SIPA1L1: variants seen among roughly 807,000 people sequenced by gnomAD.
SIPA1L1 encodes the protein signal-induced proliferation-associated 1-like protein 1.
SIPA1L1 carries 26 observed loss-of-function variants against 162.7 expected under a neutral mutation model. The ratio of observed to expected loss-of-function variants is 0.16; its 90% CI spans 0.12 to 0.22. The LOEUF is 0.22. SIPA1L1 is among the 10% of genes least tolerant of loss of function. The pLI is 1.00. For synonymous variants in SIPA1L1, 829 were observed against 837.4 expected, an observed-to-expected ratio of 0.99 and a Z score of 0.17; for missense variants, 1,874 against 2,241.0, an observed-to-expected ratio of 0.84 and a Z score of 3.31.
At chr14:71,634,058 A>C (rs535890206) in intron 7 of SIPA1L1, among the ~76,000 whole-genome samples, 10 of 139,252 alleles carry the variant, frequency 7.2e-5, no homozygotes, top group African/African-American at 2.3e-4. Context: ...ACTAAATACA[A>C]AAAAAAAAAA....
At chr14:71,574,942 TA>T (rs1016120597) in intron 4 of SIPA1L1, 3 of 152,054 alleles carry the variant, frequency 2.0e-5, no homozygotes, top group African/African-American at 4.8e-5. Flanking sequence ...GCATAGTTTT[TA>T]AAAAAAACTG....
chr14:71,692,245 A>G (rs1406434282), intron 13 of SIPA1L1, among the ~76,000 whole-genome samples: 1 of 152,252 alleles, frequency 6.6e-6, no homozygotes, highest in African/African-American at 2.4e-5. Context: ...TGATAAAGCT[A>G]TAGCATTAAA....
At chr14:71,459,660 G>A (rs1353510694) in intron 2 of SIPA1L1, among the ~76,000 whole-genome samples, 2 of 152,088 alleles carry the variant, frequency 1.3e-5, no homozygotes, top group Non-Finnish European at 2.9e-5. Flanking sequence ...GGCCAGTCTC[G>A]CCTTTTCGTG....
At chr14:71,582,663 C>G (rs1233132012) in intron 4 of SIPA1L1, among the ~76,000 whole-genome samples, 1 of 152,146 alleles carries the variant, frequency 6.6e-6, no homozygotes, top group African/African-American at 2.4e-5. Context: ...CTTTTCTATT[C>G]ACTTTGTTAA....
At chr14:71,460,484 TTGATAGTC>T (rs1394498619) in intron 2 of SIPA1L1, among the ~76,000 whole-genome samples, 6 of 152,146 alleles carry the variant, frequency 3.9e-5, no homozygotes, top group Non-Finnish European at 2.9e-5. Flanking sequence ...TGATTTCATC[TTGATAGTC>T]TGAGTCAATC....
chr14:71,684,410 C>T (rs1454262024), intron 12 of SIPA1L1, among the ~76,000 whole-genome samples: 2 of 152,264 alleles, frequency 1.3e-5, no homozygotes, highest in Non-Finnish European at 2.9e-5. Flanking sequence ...CTTCCCTCCC[C>T]GCGCCTTCAG....
intron 2 of SIPA1L1, among the ~76,000 whole-genome samples, chr14:71,440,561 A>T (rs796686121): frequency 5.7e-5 from 8 of 139,410 alleles, no homozygotes; most frequent in African/African-American, 2.1e-4. Flanking sequence ...AGCGGGGAGG[A>T]TAGCTTGAGC....
intron 7 of SIPA1L1, among the ~76,000 whole-genome samples, chr14:71,633,946 G>T (rs1208509554): frequency 6.6e-6 from 1 of 151,850 alleles, no homozygotes; most frequent in African/African-American, 2.4e-5. Context: ...CCCAAATTTG[G>T]TCAAAGGTGT....
At chr14:71,507,833 G>T (rs958286174) in intron 2 of SIPA1L1, among the ~76,000 whole-genome samples, 3 of 152,124 alleles carry the variant, frequency 2.0e-5, no homozygotes, top group African/African-American at 7.2e-5. Context: ...TCTCTTACCA[G>T]CCAGAGGTCT....
intron 2 of SIPA1L1, among the ~76,000 whole-genome samples, chr14:71,339,025 C>CCA (rs1441460729): frequency 2.6e-5 from 4 of 152,240 alleles, no homozygotes; most frequent in South Asian, 4.1e-4. Context: ...CAGGTGTGAG[C>CCA]CACTGTGCAT....
At chr14:71,413,748 G>T (rs1229387012) in intron 2 of SIPA1L1, among the ~76,000 whole-genome samples, 1 of 152,010 alleles carries the variant, frequency 6.6e-6, no homozygotes, top group East Asian at 1.9e-4. Flanking sequence ...AAAAACAAAA[G>T]CCCAATAAAT....
chr14:71,386,974 C>T (rs947076551), intron 2 of SIPA1L1, among the ~76,000 whole-genome samples: 14 of 152,068 alleles, frequency 9.2e-5, no homozygotes, highest in Admixed American at 7.9e-4. Context: ...TGTGGCCGGG[C>T]GCAGTGGCTC....
intron 2 of SIPA1L1, among the ~76,000 whole-genome samples, chr14:71,446,894 G>GTTTTTTTTTTTGT (rs1182512816): frequency 4.6e-5 from 4 of 87,406 alleles, no homozygotes; most frequent in Non-Finnish European, 8.5e-5. Context: ...GATGGGCTCT[G>GTTTTTTTTTTTGT]TTTTTTTTTT....
At chr14:71,585,210 C>A (rs977297335) in intron 4 of SIPA1L1, among the ~76,000 whole-genome samples, 3 of 151,636 alleles carry the variant, frequency 2.0e-5, no homozygotes, top group African/African-American at 7.3e-5. Flanking sequence ...AAAGGAAGGT[C>A]CTTATGACTG....
At chr14:71,421,386 G>T (rs1189265530) in intron 2 of SIPA1L1, among the ~76,000 whole-genome samples, 2 of 151,688 alleles carry the variant, frequency 1.3e-5, no homozygotes, top group Admixed American at 6.6e-5. Flanking sequence ...TGAGGCCAGG[G>T]GTTTGAGACC....
intron 3 of SIPA1L1, among the ~76,000 whole-genome samples, chr14:71,515,006 A>G (rs1278325451): frequency 6.6e-6 from 1 of 152,212 alleles, no homozygotes; most frequent in Non-Finnish European, 1.5e-5. Context: ...AGTTCTGTGC[A>G]TGTTTATCCT....
chr14:71,719,937 A>ATT (rs1259260856), intron 17 of SIPA1L1, among the ~76,000 whole-genome samples: 2 of 152,236 alleles, frequency 1.3e-5, no homozygotes, highest in Admixed American at 1.3e-4. Flanking sequence ...GAGAATCAAT[A>ATT]TTCCTTCAGC....
intron 2 of SIPA1L1, among the ~76,000 whole-genome samples, chr14:71,394,692 G>A (rs1242597954): frequency 6.6e-6 from 1 of 152,228 alleles, no homozygotes. Flanking sequence ...ATTAAGTGAT[G>A]TGGATTCCTA....
chr14:71,389,195 G>A (rs778822601), intron 2 of SIPA1L1, among the ~76,000 whole-genome samples: 14 of 152,184 alleles, frequency 9.2e-5, no homozygotes, highest in Non-Finnish European at 1.9e-4. Context: ...AGGAAGTCCT[G>A]AGGGAAACAG....
Sources: allele counts gnomAD v4.1 joint callset (sites outside exome capture counted in the v4.1 genomes callset), GRCh38; gene constraint gnomAD v4.1.1; transcripts MANE v1.5; gene names NCBI Gene and HGNC (gene_info 2026-07-23, HGNC 2026-07-21).